VPS13D: variants seen among roughly 807,000 people sequenced by gnomAD.
The protein encoded by VPS13D is vacuolar protein sorting 13 homolog D.
Under a neutral mutation model 461.9 loss-of-function variants are expected in VPS13D, and 187 were observed. That is an observed-to-expected ratio of 0.40 (90% confidence interval 0.36 to 0.46). The LOEUF (loss-of-function observed/expected upper bound fraction) is 0.46, where lower values mean the gene tolerates loss of function less well. Ranked by LOEUF, VPS13D falls within the 20% of genes least tolerant of loss-of-function variation. VPS13D has a pLI of 0.60. For synonymous variants in VPS13D, 1,951 were observed against 1,986.3 expected (o/e 0.98, Z 0.47); for missense variants, 4,711 against 5,364.9 (o/e 0.88, Z 3.81).
intron 60 of VPS13D, 40 bp from the exon 61 acceptor site, chr1:12,400,141 C>T (rs764247668): frequency 1.2e-6 from 2 of 1,601,752 alleles, no homozygotes; most frequent in Non-Finnish European, 1.7e-6. Context: ...AGCCACTGGT[C>T]TGTTTTTGTT....
At position 12,277,480 on chromosome 1, in the gene VPS13D, A is replaced by G. The variant is rs1641649567; in HGVS notation, c.3892A>G (p.Lys1298Glu). 4 of 1,614,128 alleles carry G rather than the reference A, an allele frequency of 2.5e-6. No individual in the cohort carries two copies. Among genetic ancestry groups the G allele is most frequent in the Non-Finnish European group, 3.4e-6 (4 of 1,180,024 alleles). The change falls in exon 19 of 70, where the codon AAG becomes GAG. Residue 1298 changes from lysine to glutamate, a missense_variant. Lys to Glu is a moderately conservative substitution (Grantham distance 56, BLOSUM62 1). This residue lies in a region of VPS13D where 4,411 missense variants were observed against 4,937.8 expected (regional missense o/e 0.89). Coordinates refer to ENST00000620676, the MANE Select transcript of VPS13D (RefSeq NM_015378.4). Reference sequence around the variant, plus strand: ...TTCTTTACATTATAACCACTCTGCTAAGTTTTTGAAGGAGTTGACGTTATC... The same window carrying G: ...TTCTTTACATTATAACCACTCTGCTGAGTTTTTGAAGGAGTTGACGTTATC... ...MASLHYNHSA[K>E]FLKELTLSMD...
chr1:12,364,293 T>C (rs1280812969), intron 52 of VPS13D, among the ~76,000 whole-genome samples: 5 of 152,184 alleles, frequency 3.3e-5, no homozygotes, highest in African/African-American at 7.2e-5. Flanking sequence ...AGGTACCTCA[T>C]GTGAGTTTAA....
intron 68 of VPS13D, among the ~76,000 whole-genome samples, chr1:12,503,108 T>C (rs1646056439): frequency 6.6e-6 from 1 of 152,128 alleles, no homozygotes; most frequent in Admixed American, 6.5e-5. Context: ...ATGGCTGCTG[T>C]TGTTGAGAAT....
At chr1:12,328,620 A>T (rs1297104411) in intron 36 of VPS13D, among the ~76,000 whole-genome samples, 1 of 152,014 alleles carries the variant, frequency 6.6e-6, no homozygotes, top group Admixed American at 6.5e-5. Flanking sequence ...GGCTCACCAC[A>T]ATCTCTGCCT....
intron 65 of VPS13D, among the ~76,000 whole-genome samples, chr1:12,443,817 T>C (rs965517147): frequency 1.3e-5 from 2 of 152,098 alleles, no homozygotes; most frequent in Admixed American, 1.3e-4. Flanking sequence ...TTTGTGGCTC[T>C]TATGGCAATG....
rs1288933096 is a variant in VPS13D, at chr1:12,276,119, G to A, written c.2531G>A (p.Gly844Glu). The A allele has an allele frequency of 1.2e-6, 2 of 1,614,108 alleles. No homozygotes were observed. The highest frequency in any genetic ancestry group is 1.7e-6 in the Non-Finnish European group (2 of 1,180,018). Residue 844 changes from glycine to glutamate, a missense_variant, in exon 19 of 70, where the codon GGA (glycine) becomes GAA (glutamate). This residue lies in a region of VPS13D where 4,411 missense variants were observed against 4,937.8 expected (regional missense o/e 0.89). Coordinates refer to ENST00000620676, the MANE Select transcript of VPS13D (RefSeq NM_015378.4). The surrounding 1 kb of genome is among the most constrained non-coding windows in gnomAD (Gnocchi z 4.5). ...AAGCATGTCCAGGATATTGACGTGG[G>A]ACCAACACATGTGGTAGAGAAGTTC... Reference protein sequence around the residue: ...NWKHVQDIDVGPTHVVEKFNV... With the variant: ...NWKHVQDIDVEPTHVVEKFNV...
At chr1:12,344,395 C>G (rs1374264681) in intron 42 of VPS13D, among the ~76,000 whole-genome samples, 11 of 151,978 alleles carry the variant, frequency 7.2e-5, no homozygotes, top group African/African-American at 2.7e-4. Context: ...ACGTGTGGGT[C>G]TCCAGGGATT....
At chr1:12,349,121 G>C in intron 45 of VPS13D, 43 bp from the exon 46 acceptor site, 1 of 1,612,098 alleles carries the variant, frequency 6.2e-7, no homozygotes, top group Non-Finnish European at 8.5e-7. Context: ...CTTTGGGGTG[G>C]AGGACCATTG....
At chr1:12,244,729 T>A in intron 5 of VPS13D, 112 bp downstream of exon 5, 1 of 998,224 alleles carries the variant, frequency 1.0e-6, no homozygotes, top group Non-Finnish European at 1.5e-6. Flanking sequence ...ATCTAGGGTG[T>A]AGATGGGGCT....
At position 12,318,113 on chromosome 1, in the gene VPS13D, A is replaced by G. The variant is rs149198663; in HGVS notation, c.7190A>G (p.Asn2397Ser). ...DSSCFTVVLN[N>S]LRVFLIFDWL... is the part of the protein sequence containing the mutation. Reference sequence around the variant, plus strand: ...TCCTGCTTTACAGTAGTTCTCAACAATCTCCGTGTGTTTCTCATATTTGAC... The same window carrying G: ...TCCTGCTTTACAGTAGTTCTCAACAGTCTCCGTGTGTTTCTCATATTTGAC... Residue 2397 changes from asparagine to serine, a missense_variant, in exon 31 of 70, where the codon AAT (asparagine) becomes AGT (serine). Physicochemically the swap from Asn to Ser is conservative, Grantham distance 46 (BLOSUM62 1). Around this residue, in one of 3 missense-constraint regions of VPS13D, gnomAD observed 4,411 missense variants for 4,937.8 expected, o/e 0.89. Coordinates refer to ENST00000620676, the MANE Select transcript of VPS13D (RefSeq NM_015378.4). 8.9e-5 allele frequency: 143 copies of G among 1,613,890 alleles called. No individual in the cohort carries two copies. Among genetic ancestry groups the G allele is most frequent in the Non-Finnish European group, 1.1e-4 (129 of 1,179,936 alleles).
At chr1:12,490,708 C>T (rs577164069) in intron 67 of VPS13D, among the ~76,000 whole-genome samples, 5 of 150,612 alleles carry the variant, frequency 3.3e-5, no homozygotes, top group East Asian at 2.0e-4. Context: ...ATGCAGCCCA[C>T]GGCCTGGTGG....
At chr1:12,416,432 A>G (rs1156324138) in intron 64 of VPS13D, among the ~76,000 whole-genome samples, 1 of 152,124 alleles carries the variant, frequency 6.6e-6, no homozygotes, top group Non-Finnish European at 1.5e-5. Context: ...ACTGGCTTGG[A>G]AGAGTATGTG....
Position 12,277,031 on chromosome 1 carries a change from G to T in VPS13D, c.3443G>T (p.Arg1148Ile), listed in dbSNP as rs759455395. The change falls in exon 19 of 70, where the codon AGA (arginine) becomes ATA (isoleucine). Residue 1148 changes from arginine (R) to isoleucine (I), a missense_variant. Transcript: ENST00000620676. Reference protein sequence around the residue: ...SPQPLMTDFERSFREQGTYQS... With the variant: ...SPQPLMTDFEISFREQGTYQS... ...CAACCTTTAATGACTGATTTTGAAA[G>T]AAGCTTCAGAGAACAAGGAACTTAC... The T allele has an allele frequency of 2.5e-6, 4 of 1,614,134 alleles. No homozygotes were observed. In the Admixed American group the frequency reaches 6.7e-5, roughly 27 times the overall value.
chr1:12,358,424 A>G (rs754303134), intron 49 of VPS13D, 35 bp from the exon 50 acceptor site: 3 of 1,611,144 alleles, frequency 1.9e-6, no homozygotes, highest in Non-Finnish European at 1.7e-6. Flanking sequence ...TTTCTTGTGG[A>G]TGAATATCTA....
At chr1:12,332,478 G>A (rs939047165) in intron 37 of VPS13D, among the ~76,000 whole-genome samples, 7 of 152,288 alleles carry the variant, frequency 4.6e-5, no homozygotes, top group South Asian at 2.1e-4. Context: ...AAAAGAATGC[G>A]CATGGGGATT....
At chr1:12,287,414 G>C (rs1457047073) in intron 21 of VPS13D, among the ~76,000 whole-genome samples, 2 of 151,338 alleles carry the variant, frequency 1.3e-5, no homozygotes, top group Non-Finnish European at 2.9e-5. Context: ...GACATTTCTT[G>C]AGTACCTACT....
At chr1:12,317,272 T>C (rs191186823) in intron 30 of VPS13D, among the ~76,000 whole-genome samples, 23 of 152,248 alleles carry the variant, frequency 1.5e-4, no homozygotes, top group Non-Finnish European at 3.1e-4. Flanking sequence ...CCTGGTGCTT[T>C]ATTTCTTATC....
At chr1:12,372,959 G>A (rs1644142501) in intron 54 of VPS13D, among the ~76,000 whole-genome samples, 9 of 151,954 alleles carry the variant, frequency 5.9e-5, no homozygotes, top group Admixed American at 3.9e-4. Flanking sequence ...ATTGGAGGAA[G>A]TTGATTGGAA....
At chr1:12,270,698 TAAG>T (rs768088816) in intron 16 of VPS13D, among the ~76,000 whole-genome samples, 15 of 152,044 alleles carry the variant, frequency 9.9e-5, no homozygotes, top group Non-Finnish European at 1.3e-4. Context: ...CATACTGGAG[TAAG>T]AAACTGTTGT....
Sources: allele counts gnomAD v4.1 joint callset (sites outside exome capture counted in the v4.1 genomes callset), GRCh38; gene constraint gnomAD v4.1.1; regional missense constraint gnomAD v4.1.1; non-coding constraint Gnocchi (gnomAD v3.1); transcripts MANE v1.5; gene names NCBI Gene and HGNC (gene_info 2026-07-23, HGNC 2026-07-21).